Variants in ARPIN observed in about 807,000 individuals in gnomAD.
ARPIN encodes actin related protein 2/3 complex inhibitor.
A neutral mutation model predicts 25.9 loss-of-function variants in ARPIN; 23 were observed. That is an observed-to-expected ratio of 0.89 (90% CI 0.64 to 1.26). The LOEUF is 1.26. Ranked by LOEUF, ARPIN falls within the 50% of genes most tolerant of loss-of-function variation. ARPIN has a pLI of 0.00. For synonymous variants in ARPIN, 126 were observed against 131.4 expected, an observed-to-expected ratio of 0.96 and a Z score of 0.28; for missense variants, 333 against 312.2, an observed-to-expected ratio of 1.07 and a Z score of -0.50.
chr15:89,910,701 TGAAGTCA>T (rs1405191402), intron 2 of ARPIN, 36 bp downstream of exon 2: 1 of 1,612,798 alleles, frequency 6.2e-7, no homozygotes, highest in Non-Finnish European at 8.5e-7. Context: ...ATGATGACCG[TGAAGTCA>T]GTGCCCTCTA....
chr15:89,900,593 T>C lies in ARPIN; in HGVS notation c.*1202A>G, dbSNP rs1481450724. The C allele has an allele frequency of 6.6e-6, 1 of 152,204 alleles. No homozygotes were observed. The highest frequency in any genetic ancestry group is 1.5e-5 in the Non-Finnish European group (1 of 68,040). 9.4% of individuals were successfully genotyped at this position (152,204 alleles called of 1,614,324 possible). On this transcript the variant is annotated 3_prime_UTR_variant, in exon 6 of 6. Transcript: ENST00000357484. ...TTAGCACAAGTATGAGTAATTATTA[T>C]CATGGAAATCATCTAGCATTGTGTT...
At chr15:89,905,026 T>C (rs1897094690) in intron 3 of ARPIN, among the ~76,000 whole-genome samples, 1 of 14,598 alleles carries the variant, frequency 6.9e-5, no homozygotes. Flanking sequence ...TGTCAACCCT[T>C]TTTTTTTTTT....
Position 89,903,380 on chromosome 15 carries a change from C to G in ARPIN, c.509-1G>C. The G allele has an allele frequency of 6.2e-7, 1 of 1,614,166 alleles. No homozygotes were observed. The highest frequency in any genetic ancestry group is 8.5e-7 in the Non-Finnish European group (1 of 1,180,006). On this transcript the variant is annotated splice_acceptor_variant, in intron 4 of 5. Coordinates refer to ENST00000357484, the MANE Select transcript of ARPIN (RefSeq NM_182616.4). LOFTEE classifies it high-confidence loss of function. ...CCAGCCTCAAGTTTGGCCAATGAATCTGAAAGAAGAGATGAAATTGAATGT... is the reference window on the plus strand; with the variant it reads ...CCAGCCTCAAGTTTGGCCAATGAATGTGAAAGAAGAGATGAAATTGAATGT...
In ARPIN at chr15:89,901,267, T is replaced by G. The variant is rs1190212747; in HGVS notation, c.*528A>C. 6.2e-6 allele frequency: 1 copy of G among 161,162 alleles called. No homozygotes were observed. Among genetic ancestry groups the G allele is most frequent in the Non-Finnish European group, 1.3e-5 (1 of 74,200 alleles). 10.0% of individuals were successfully genotyped at this position (161,162 alleles called of 1,614,324 possible). The stretch of plus-strand genomic sequence containing the variant: ...CCCCGCTAACTTCTCTCAGCTGCTC[T>G]GCATTTAGACAAGGGATATTCCCCA... On this transcript the variant is annotated 3_prime_UTR_variant, in exon 6 of 6. Coordinates refer to ENST00000357484, the MANE Select transcript of ARPIN (RefSeq NM_182616.4).
At chr15:89,907,057 G>GTATTATTAT (rs56208607) in intron 3 of ARPIN, among the ~76,000 whole-genome samples, 228 of 149,346 alleles carry the variant, frequency 1.5e-3, no homozygotes, top group African/African-American at 4.7e-3. Context: ...CCATCAAAAA[G>GTATTATTAT]TATTATTATT....
chr15:89,908,214 A>G, intron 3 of ARPIN, 66 bp downstream of exon 3: 1 of 1,601,832 alleles, frequency 6.2e-7, no homozygotes, highest in South Asian at 1.1e-5. Context: ...TAAGAGGCTC[A>G]GAAGAGAAAG....
rs530498189 is a variant in ARPIN, at chr15:89,903,583, G to A, written c.508+194C>T. 1.9e-4 allele frequency among the ~76,000 whole-genome samples: 29 copies of A among 152,314 alleles called. No homozygotes were observed. The South Asian group carries it at 5.4e-3, about 28-fold the overall frequency. On this transcript the variant is annotated intron_variant, in intron 4 of 5. Transcript: ENST00000357484. ...GGAACCATGGGATTGGGTGGCACCCGGGGATCCAGGCTGTCGAGCCCAATG... is the reference window on the plus strand; with the variant it reads ...GGAACCATGGGATTGGGTGGCACCCAGGGATCCAGGCTGTCGAGCCCAATG...
rs1896929731 is a variant in ARPIN at position 89,896,268 on chromosome 15, A to G, written c.*5527T>C. On this transcript the variant is annotated 3_prime_UTR_variant, in exon 6 of 6. Coordinates refer to ENST00000357484, the MANE Select transcript of ARPIN (RefSeq NM_182616.4). ...AAAATGTTTAAAATGTTGAGGAAGA[A>G]TATCAAAGAAAATTCTGAAACAGAA... The G allele has an allele frequency of 6.6e-6, 1 of 152,252 alleles. No homozygotes were observed. The highest frequency in any genetic ancestry group is 2.1e-4 in the South Asian group (1 of 4,834). 9.4% of individuals were successfully genotyped at this position (152,252 alleles called of 1,614,324 possible).
intron 2 of ARPIN, among the ~76,000 whole-genome samples, chr15:89,910,216 A>C (rs781433519): frequency 2.0e-5 from 3 of 152,144 alleles, no homozygotes; most frequent in Non-Finnish European, 4.4e-5. Flanking sequence ...TATAGAGATC[A>C]AGGAGATAAG....
chr15:89,912,606 G>C, intron 1 of ARPIN, 138 bp downstream of exon 1: 2 of 1,350,848 alleles, frequency 1.5e-6, no homozygotes, highest in South Asian at 3.6e-5. Flanking sequence ...GCGGACTGGA[G>C]GGGCGGACTG....
chr15:89,908,128 A>AG, intron 3 of ARPIN, 152 bp downstream of exon 3: 1 of 1,304,680 alleles, frequency 7.7e-7, no homozygotes. Flanking sequence ...AGGCAAGGCC[A>AG]GGGGTGGATG....
In ARPIN at chr15:89,895,121, T is replaced by A. The variant is rs1896909207; in HGVS notation, c.*6674A>T. 2 of 151,826 alleles carry A rather than the reference T, an allele frequency of 1.3e-5. No homozygotes were observed. Among genetic ancestry groups the A allele is most frequent in the African/African-American group, 2.4e-5 (1 of 41,312 alleles). The allele number at this position is 151,826 out of a possible 1,614,324, so 9.4% of individuals were successfully genotyped here. A position where few individuals can be genotyped will look rare whatever the true frequency, so the allele number is the denominator to read the frequency against. On this transcript the variant is annotated 3_prime_UTR_variant, in exon 6 of 6. Transcript: ENST00000357484. ...AACAGTAAAAAAAAGAAGAAAAAAA[T>A]ATATATCTCAGCAGTGTTATTACAG...
At chr15:89,908,779 C>T (rs1897172769) in intron 2 of ARPIN, among the ~76,000 whole-genome samples, 1 of 151,932 alleles carries the variant, frequency 6.6e-6, no homozygotes, top group African/African-American at 2.4e-5. Context: ...GTCAGGAGTT[C>T]GAGACCAGCC....
intron 5 of ARPIN, chr15:89,902,971 A>G: frequency 7.0e-7 from 1 of 1,422,928 alleles, no homozygotes; most frequent in Non-Finnish European, 9.2e-7. Flanking sequence ...CCTCCTTCCT[A>G]CCACTTGGGA....
intron 1 of ARPIN, chr15:89,912,369 C>G (rs913188135): frequency 5.5e-5 from 57 of 1,029,310 alleles, no homozygotes; most frequent in Non-Finnish European, 6.4e-5. Flanking sequence ...ACTGTCCCTT[C>G]TGGGGCAGGG....
At position 89,899,349 on chromosome 15, in the gene ARPIN, T is replaced by G. The variant is rs1186043453; in HGVS notation, c.*2446A>C. The stretch of plus-strand genomic sequence containing the variant: ...ATCCGCCCACCTCGGCCTCCCAAAG[T>G]GCTAAGATTACAGGCGTGAGCGACT... On this transcript the variant is annotated 3_prime_UTR_variant, in exon 6 of 6. Coordinates refer to ENST00000357484, the MANE Select transcript of ARPIN (RefSeq NM_182616.4). 1 of 152,450 alleles carries G rather than the reference T, an allele frequency of 6.6e-6. No individual in the cohort carries two copies. The highest frequency in any genetic ancestry group is 1.5e-5 in the Non-Finnish European group (1 of 68,286). The allele number at this position is 152,450 out of a possible 1,614,324, so 9.4% of individuals were successfully genotyped here.
rs1230658488 is a variant in ARPIN at position 89,895,265 on chromosome 15, C to G, written c.*6530G>C. The G allele has an allele frequency of 6.6e-6, 1 of 152,046 alleles. No homozygotes were observed. Among genetic ancestry groups the G allele is most frequent in the South Asian group, 2.1e-4 (1 of 4,820 alleles). 9.4% of individuals were successfully genotyped at this position (152,046 alleles called of 1,614,324 possible). The stretch of plus-strand genomic sequence containing the variant: ...ATCATGCTGGGAAAGATTTATGATA[C>G]GGAAGTGTTCATGACACCTGTTAAG... On this transcript the variant is annotated 3_prime_UTR_variant, in exon 6 of 6. Transcript: ENST00000357484.
intron 1 of ARPIN, chr15:89,912,179 T>C: frequency 3.1e-6 from 3 of 980,952 alleles, no homozygotes; most frequent in Non-Finnish European, 3.6e-6. Context: ...GATCACACAG[T>C]ATTTGTCTTT....
intron 1 of ARPIN, chr15:89,912,402 G>A: frequency 9.1e-7 from 1 of 1,099,484 alleles, no homozygotes; most frequent in Non-Finnish European, 1.1e-6. Flanking sequence ...CAAAAGCAGC[G>A]CGGCAAGTAG....
Sources: gnomAD v4.1 joint callset for allele counts (sites outside exome capture counted in the v4.1 genomes callset) on GRCh38, gnomAD v4.1.1 for gene constraint, MANE v1.5 for transcripts, NCBI Gene and HGNC (gene_info 2026-07-23, HGNC 2026-07-21) for gene names.